The following TSPEAR variants were observed in gnomAD, a reference collection of about 807,000 sequenced individuals.
The protein encoded by TSPEAR is thrombospondin type laminin G domain and EAR repeats, also known as thrombospondin-type laminin G domain and EAR repeat-containing protein.
Under a neutral mutation model 71.6 loss-of-function variants are expected in TSPEAR, and 69 were observed. That is an observed-to-expected ratio of 0.96 (90% CI 0.79 to 1.18). The LOEUF (loss-of-function observed/expected upper bound fraction) is 1.18. TSPEAR is among the 50% of genes most tolerant of loss of function. TSPEAR has a pLI of 0.00. For synonymous variants in TSPEAR, 402 were observed against 387.2 expected (o/e 1.04, Z -0.45); for missense variants, 971 against 894.9 (o/e 1.09, Z -1.09).
Position 44,639,462 on chromosome 21 carries a change from C to T in TSPEAR, c.83-71457G>A, listed in dbSNP as rs587716035. ...GCACAGCCGCCTCGCTCACTCCCCTCGAGGCAGATCACCCAGGACAACCAG... is the reference window on the plus strand; with the variant it reads ...GCACAGCCGCCTCGCTCACTCCCCTTGAGGCAGATCACCCAGGACAACCAG... On this transcript the variant is annotated intron_variant, in intron 1 of 11. Transcript: ENST00000323084. Among the ~76,000 whole-genome samples the T allele has an allele frequency of 3.3e-5, 5 of 152,344 alleles. No homozygotes were observed. In the East Asian group the frequency reaches 9.7e-4, roughly 29 times the overall value.
Position 44,640,798 on chromosome 21 carries a change from C to T in TSPEAR, c.82+70635G>A, listed in dbSNP as rs587743088. 7.2e-5 allele frequency among the ~76,000 whole-genome samples: 11 copies of T among 152,304 alleles called. No individual in the cohort carries two copies. The East Asian group carries it at 1.2e-3, about 16-fold the overall frequency. On this transcript the variant is annotated intron_variant, in intron 1 of 11. Coordinates refer to ENST00000323084, the MANE Select transcript of TSPEAR (RefSeq NM_144991.3). ...GACTCTGAAGACAAATGACTTTTCCCGGAGACCCTAGCAAAGGGACCATAC... is the reference window on the plus strand; with the variant it reads ...GACTCTGAAGACAAATGACTTTTCCTGGAGACCCTAGCAAAGGGACCATAC...
At chr21:44,521,568 A>T (rs892560470) in intron 9 of TSPEAR, among the ~76,000 whole-genome samples, 3 of 152,168 alleles carry the variant, frequency 2.0e-5, no homozygotes, top group Admixed American at 6.5e-5. Flanking sequence ...GCCTGTTCTG[A>T]GCCCGGGGGC....
intron 7 of TSPEAR, among the ~76,000 whole-genome samples, chr21:44,526,444 G>A (rs781915742): frequency 5.6e-4 from 85 of 150,770 alleles, no homozygotes; most frequent in South Asian, 3.7e-3. Context: ...GTTCTTTGAT[G>A]CAAAGTTTTT....
chr21:44,545,850 C>A (rs992791406), intron 2 of TSPEAR, among the ~76,000 whole-genome samples: 3 of 151,718 alleles, frequency 2.0e-5, no homozygotes, highest in African/African-American at 7.3e-5. Flanking sequence ...TCTTAAGGAA[C>A]TAGAAAAAGA....
chr21:44,538,988 A>G (rs1386324328), intron 2 of TSPEAR: 4 of 535,928 alleles, frequency 7.5e-6, no homozygotes, highest in South Asian at 2.6e-5. Flanking sequence ...GAATCAGGTG[A>G]CCAAGGAGAG....
At chr21:44,652,762 A>G (rs1555941721) in intron 1 of TSPEAR, among the ~76,000 whole-genome samples, 1 of 152,196 alleles carries the variant, frequency 6.6e-6, no homozygotes, top group East Asian at 1.9e-4. Flanking sequence ...CCAGTTGACT[A>G]CATATCATGG....
chr21:44,542,641 A>C (rs1271912946), intron 2 of TSPEAR, among the ~76,000 whole-genome samples: 1 of 151,598 alleles, frequency 6.6e-6, no homozygotes, highest in Non-Finnish European at 1.5e-5. Flanking sequence ...CAGCTACTCA[A>C]GAGGCTAAGG....
intron 1 of TSPEAR, among the ~76,000 whole-genome samples, chr21:44,590,320 A>G (rs78890116): frequency 0.059 from 9,018 of 151,768 alleles, 870 homozygotes; most frequent in African/African-American, 0.21. Flanking sequence ...AGGGTGGCAG[A>G]CAGAGCTGAG....
At chr21:44,648,630 C>T (rs587675171) in intron 1 of TSPEAR, among the ~76,000 whole-genome samples, 9 of 152,294 alleles carry the variant, frequency 5.9e-5, no homozygotes, top group East Asian at 1.9e-4. Context: ...ACAGGGGAGT[C>T]GGCACAGGGC....
intron 8 of TSPEAR, 25 bp from the exon 9 acceptor site, chr21:44,522,137 G>T: frequency 4.4e-6 from 7 of 1,605,040 alleles, no homozygotes; most frequent in Non-Finnish European, 6.0e-6. Flanking sequence ...CTGTGCTGGG[G>T]GCAGGGAGGC....
At chr21:44,519,051 T>C (rs1405496176) in intron 9 of TSPEAR, 3 of 179,256 alleles carry the variant, frequency 1.7e-5, no homozygotes, top group East Asian at 3.3e-4. Flanking sequence ...GTTTTTGAGA[T>C]GGAGTCTCAC....
chr21:44,558,019 G>A lies in TSPEAR; in HGVS notation c.303+9766C>T, dbSNP rs782811172. On this transcript the variant is annotated intron_variant, in intron 2 of 11. Transcript: ENST00000323084. ...ATTTTCGGAAGTCAGAGATGGCCCT[G>A]GAACAACTCTGGAGAAACGGGACCT... 8 of 1,579,018 alleles carry A rather than the reference G, an allele frequency of 5.1e-6. No homozygotes were observed. The East Asian group carries it at 1.6e-4, about 31-fold the overall frequency.
At chr21:44,531,250 A>ATCCTTTGTGTGGCAGC in intron 3 of TSPEAR, 117 bp from the exon 4 acceptor site, 1 of 772,494 alleles carries the variant, frequency 1.3e-6, no homozygotes, top group Non-Finnish European at 2.1e-6. Flanking sequence ...TGTGGCTGCC[A>ATCCTTTGTGTGGCAGC]CACAAAGGAT....
rs145005525 is a variant in TSPEAR, at chr21:44,571,778, G to T, written c.83-3773C>A. ...ATATTGGATTATAGCTCAAGTAATA[G>T]ATAAACATTCTTTAGTCCACACATA... is the stretch of plus-strand genomic sequence containing the variant. On this transcript the variant is annotated intron_variant, in intron 1 of 11. Coordinates refer to ENST00000323084, the MANE Select transcript of TSPEAR (RefSeq NM_144991.3). 3.9e-5 allele frequency among the ~76,000 whole-genome samples: 6 copies of T among 152,356 alleles called. No individual in the cohort carries two copies. In the East Asian group the frequency reaches 1.2e-3, roughly 29 times the overall value.
At position 44,593,232 on chromosome 21, in the gene TSPEAR, C is replaced by T. The variant is rs907476208; in HGVS notation, c.83-25227G>A. ...CAGAGTAACCGTGCTGAGCAGCGGG[C>T]GGTCAGCAGCCCTCGTCCCCGCCTG... On this transcript the variant is annotated intron_variant, in intron 1 of 11. Transcript: ENST00000323084. The surrounding 1 kb of genome is among the most constrained non-coding windows in gnomAD (Gnocchi z 5.9). 3.3e-5 allele frequency among the ~76,000 whole-genome samples: 5 copies of T among 152,262 alleles called. No homozygotes were observed. Among genetic ancestry groups the T allele is most frequent in the Admixed American group, 1.3e-4 (2 of 15,292 alleles).
chr21:44,684,393 G>C (rs1601563760), intron 1 of TSPEAR, among the ~76,000 whole-genome samples: 1 of 152,284 alleles, frequency 6.6e-6, no homozygotes, highest in East Asian at 1.9e-4. Flanking sequence ...AATTAGCTAG[G>C]GGTGGCGGTG....
intron 2 of TSPEAR, chr21:44,558,644 C>A (rs1555920482): frequency 1.2e-6 from 2 of 1,613,216 alleles, no homozygotes; most frequent in Admixed American, 1.7e-5. Flanking sequence ...CACAGCAGCT[C>A]TCTGGGCAGG....
chr21:44,550,289 C>A, intron 2 of TSPEAR: 1 of 258,802 alleles, frequency 3.9e-6, no homozygotes, highest in Non-Finnish European at 7.5e-6. Context: ...GCCCAGCCCC[C>A]CAGAGCCAGG....
intron 1 of TSPEAR, among the ~76,000 whole-genome samples, chr21:44,689,712 A>T (rs4998982): frequency 0.017 from 1,069 of 61,864 alleles, 149 homozygotes; most frequent in African/African-American, 0.054. Flanking sequence ...GAATAGAATG[A>T]ATATATATAT....
Sources: gnomAD v4.1 joint callset for allele counts (sites outside exome capture counted in the v4.1 genomes callset) on GRCh38, gnomAD v4.1.1 for gene constraint, Gnocchi (gnomAD v3.1) non-coding constraint, MANE v1.5 for transcripts, NCBI Gene and HGNC (gene_info 2026-07-23, HGNC 2026-07-21) for gene names.